Variants in TNIP3 observed in about 807,000 individuals in gnomAD.
TNIP3 encodes the protein TNFAIP3-interacting protein 3.
A neutral mutation model predicts 54.1 loss-of-function variants in TNIP3; 34 were observed. The observed-to-expected ratio is 0.63, with a 90% confidence interval of 0.48 to 0.84. The LOEUF is 0.84. Ranked by LOEUF, TNIP3 falls within the 40% of genes least tolerant of loss-of-function variation. TNIP3 has a pLI of 0.00. For synonymous variants in TNIP3, 134 were observed against 136.8 expected (o/e 0.98, Z 0.14); for missense variants, 366 against 387.6 (o/e 0.94, Z 0.47).
intron 2 of TNIP3, among the ~76,000 whole-genome samples, chr4:121,198,488 T>C (rs1725718064): frequency 6.6e-6 from 1 of 152,190 alleles, no homozygotes; most frequent in Non-Finnish European, 1.5e-5. Flanking sequence ...AAATAACAAC[T>C]GAGCACCTAT....
In TNIP3 at chr4:121,188,370, T is replaced by C. The variant is rs181925857; in HGVS notation, c.69-5574A>G. Among the ~76,000 whole-genome samples, 268 of 152,064 alleles carry C rather than the reference T, an allele frequency of 1.8e-3. 1 individual carries two copies. Among genetic ancestry groups the C allele is most frequent in the African/African-American group, 5.7e-3 (236 of 41,498 alleles). On this transcript the variant is annotated intron_variant, in intron 2 of 12. Transcript: ENST00000507879. Reference sequence around the variant, plus strand: ...GTGAACTGTTTTTCCCAGACTAACATTGGGAAATAACGGTCTGCCCTGTAA... The same window carrying C: ...GTGAACTGTTTTTCCCAGACTAACACTGGGAAATAACGGTCTGCCCTGTAA...
upstream of TNIP3, among the ~76,000 whole-genome samples, chr4:121,166,574 T>C (rs1730777971): frequency 6.6e-6 from 1 of 152,128 alleles, no homozygotes; most frequent in African/African-American, 2.4e-5. Context: ...GTCACTAAAA[T>C]ATTATACAGA....
chr4:121,150,083 T>C lies in TNIP3; in HGVS notation c.609+20A>G, dbSNP rs1471545293. ...GGGCAGTATGTTCTCCACAGGATCATGCCACTTCCAGCTTCTCACCTGCTG... is the reference window on the plus strand; with the variant it reads ...GGGCAGTATGTTCTCCACAGGATCACGCCACTTCCAGCTTCTCACCTGCTG... On this transcript the variant is annotated intron_variant, in intron 6 of 10. Transcript: ENST00000057513. 1.3e-6 allele frequency: 2 copies of C among 1,532,696 alleles called. No individual in the cohort carries two copies. The highest frequency in any genetic ancestry group is 9.0e-7 in the Non-Finnish European group (1 of 1,107,420). The allele number at this position is 1,532,696 out of a possible 1,614,324, so 94.9% of individuals were successfully genotyped here.
intron 3 of TNIP3, among the ~76,000 whole-genome samples, chr4:121,176,359 A>G (rs897171004): frequency 5.9e-5 from 9 of 152,050 alleles, no homozygotes; most frequent in African/African-American, 2.2e-4. Flanking sequence ...TCACACAACA[A>G]TGCAACTTTT....
chr4:121,150,223 C>T lies in TNIP3; in HGVS notation c.493-4G>A, dbSNP rs371738409. ...TATTCAAGGCATCCTGAAGAGCCTA[C>T]GTAATAAGATAAGTACACTGTTGAT... is the stretch of plus-strand genomic sequence containing the variant. On this transcript the variant is annotated splice_polypyrimidine_tract_variant and splice_region_variant and intron_variant, in intron 5 of 10. Coordinates refer to ENST00000057513, the MANE Select transcript of TNIP3 (RefSeq NM_024873.6). 9.8e-5 allele frequency: 154 copies of T among 1,570,774 alleles called. No individual in the cohort carries two copies. Among genetic ancestry groups the T allele is most frequent in the Non-Finnish European group, 1.3e-4 (146 of 1,142,004 alleles).
exon 3 of TNIP3, chr4:121,182,732 G>C (rs145016167): frequency 6.5e-7 from 1 of 1,534,160 alleles, no homozygotes; most frequent in Non-Finnish European, 8.7e-7. Flanking sequence ...AACCGTTTTG[G>C]ATGAGGAGAC....
intron 2 of TNIP3, among the ~76,000 whole-genome samples, chr4:121,211,125 A>G (rs2148847020): frequency 6.6e-6 from 1 of 152,240 alleles, no homozygotes; most frequent in East Asian, 1.9e-4. Context: ...ACATAGAAAT[A>G]TTTCCTAGAT....
intron 2 of TNIP3, among the ~76,000 whole-genome samples, chr4:121,184,682 TA>T (rs1299423398): frequency 1.3e-5 from 2 of 152,320 alleles, no homozygotes; most frequent in South Asian, 2.1e-4. Flanking sequence ...TTCCGTTATC[TA>T]TAATCAAAAA....
intron 2 of TNIP3, among the ~76,000 whole-genome samples, chr4:121,210,548 GA>G (rs1457994596): frequency 6.6e-6 from 1 of 152,160 alleles, no homozygotes; most frequent in Admixed American, 6.5e-5. Flanking sequence ...TTGCCATAAG[GA>G]AACAGCATAG....
intron 5 of TNIP3, among the ~76,000 whole-genome samples, chr4:121,152,366 G>A (rs1173521648): frequency 6.6e-6 from 1 of 152,126 alleles, no homozygotes; most frequent in Non-Finnish European, 1.5e-5. Flanking sequence ...AAAATCTACT[G>A]TCATAACTCA....
chr4:121,154,581 A>G lies in TNIP3; in HGVS notation c.462T>C (p.His154=). 6.2e-7 allele frequency: 1 copy of G among 1,613,922 alleles called. No homozygotes were observed. The highest frequency in any genetic ancestry group is 1.1e-5 in the South Asian group (1 of 91,050). The change falls in exon 5 of 11, where the codon CAT becomes CAC. Residue 154 remains histidine, a synonymous_variant. Coordinates refer to ENST00000057513, the MANE Select transcript of TNIP3 (RefSeq NM_024873.6). Reference sequence around the variant, plus strand: ...TGAGGCGTTTTATTTCACATTCGTAATGTTCCTTTTCCTTGTTCGCAAGAG... The same window carrying G: ...TGAGGCGTTTTATTTCACATTCGTAGTGTTCCTTTTCCTTGTTCGCAAGAG... ...KNTLANKEKE[H]YECEIKRLNK...
At chr4:121,201,420 T>C (rs746583913) in intron 2 of TNIP3, among the ~76,000 whole-genome samples, 1 of 152,194 alleles carries the variant, frequency 6.6e-6, no homozygotes, top group Non-Finnish European at 1.5e-5. Flanking sequence ...AAGCATTATA[T>C]TGTATGTCTC....
intron 1 of TNIP3, 87 bp from the exon 2 acceptor site, chr4:121,161,303 G>C: frequency 8.7e-7 from 1 of 1,152,266 alleles, no homozygotes. Flanking sequence ...CCATGCATTT[G>C]GCCAACTCTC....
upstream of TNIP3, among the ~76,000 whole-genome samples, chr4:121,220,214 CAGTT>C (rs1726972880): frequency 1.3e-5 from 2 of 152,248 alleles, no homozygotes; most frequent in South Asian, 2.1e-4. Context: ...GGTAGGCAGT[CAGTT>C]AATCAAAATA....
At chr4:121,164,612 T>C (rs910867118), upstream of TNIP3, among the ~76,000 whole-genome samples, 2 of 152,146 alleles carry the variant, frequency 1.3e-5, no homozygotes, top group Non-Finnish European at 2.9e-5. Flanking sequence ...CAGCTCGGTT[T>C]CCCTAAAGGC....
upstream of TNIP3, among the ~76,000 whole-genome samples, chr4:121,167,045 G>T (rs1260630277): frequency 6.6e-6 from 1 of 151,986 alleles, no homozygotes; most frequent in Non-Finnish European, 1.5e-5. Context: ...TGCTATCTGA[G>T]CTTATATAGT....
intron 2 of TNIP3, chr4:121,182,911 C>T (rs546757120): frequency 6.1e-5 from 63 of 1,027,300 alleles, no homozygotes; most frequent in African/African-American, 5.3e-4. Context: ...TACTTCTCTA[C>T]GATCTCCCAA....
chr4:121,191,197 T>G (rs1466779937), intron 2 of TNIP3, among the ~76,000 whole-genome samples: 2 of 152,174 alleles, frequency 1.3e-5, no homozygotes, highest in Admixed American at 6.5e-5. Flanking sequence ...GAATGCACAA[T>G]CAAAGATTTA....
At chr4:121,194,534 GT>G (rs945573678) in intron 2 of TNIP3, among the ~76,000 whole-genome samples, 5 of 152,094 alleles carry the variant, frequency 3.3e-5, no homozygotes, top group Admixed American at 1.3e-4. Flanking sequence ...TTTAGTTTTT[GT>G]TTTGTTTTTC....
Sources: gnomAD v4.1 joint callset for allele counts (sites outside exome capture counted in the v4.1 genomes callset) on GRCh38, gnomAD v4.1.1 for gene constraint, MANE v1.5 for transcripts, NCBI Gene and HGNC (gene_info 2026-07-23, HGNC 2026-07-21) for gene names.